ELMO1: variants seen among roughly 807,000 people sequenced by gnomAD.
ELMO1 encodes the protein engulfment and cell motility protein 1.
A neutral mutation model predicts 98.9 loss-of-function variants in ELMO1; 26 were observed. That is an observed-to-expected ratio of 0.26 (90% CI 0.19 to 0.36). ELMO1 has a LOEUF of 0.36. Among genes scored for constraint, ELMO1 ranks in the 10% least tolerant of loss-of-function variants. The probability of loss-of-function intolerance (pLI) is 1.00; values close to 1 mark genes in which losing one functional copy is unlikely to be tolerated. For missense variants in ELMO1, 627 were observed against 935.2 expected, an observed-to-expected ratio of 0.67 and a Z score of 4.30; for synonymous variants, 346 against 346.0, an observed-to-expected ratio of 1.00 and a Z score of 0.00.
At chr7:37,386,399 G>A (rs1367178106) in intron 1 of ELMO1, among the ~76,000 whole-genome samples, 2 of 151,852 alleles carry the variant, frequency 1.3e-5, no homozygotes, top group Non-Finnish European at 2.9e-5. Context: ...CAGGTCTCCA[G>A]TCTGTCTCCC....
chr7:37,109,395 A>G (rs1785114927), intron 14 of ELMO1, among the ~76,000 whole-genome samples: 1 of 152,192 alleles, frequency 6.6e-6, no homozygotes, highest in Admixed American at 6.5e-5. Flanking sequence ...GCTTCCTGTA[A>G]ATGCTGTGAG....
At chr7:36,913,454 A>G (rs1193033987) in intron 16 of ELMO1, among the ~76,000 whole-genome samples, 2 of 152,242 alleles carry the variant, frequency 1.3e-5, no homozygotes, top group Non-Finnish European at 2.9e-5. Context: ...CTGTGATAGC[A>G]AAAGTGAGTT....
intron 13 of ELMO1, among the ~76,000 whole-genome samples, chr7:37,205,933 G>C (rs1019436928): frequency 2.6e-5 from 4 of 151,946 alleles, no homozygotes; most frequent in Admixed American, 2.6e-4. Flanking sequence ...ACTCCAAAAG[G>C]CAACTCTACT....
At chr7:37,415,529 T>G (rs1048751956) in intron 1 of ELMO1, among the ~76,000 whole-genome samples, 1 of 152,242 alleles carries the variant, frequency 6.6e-6, no homozygotes, top group African/African-American at 2.4e-5. Flanking sequence ...ATGTGAGTTA[T>G]GATAGACAGT....
At chr7:37,347,696 T>C (rs1482782203) in intron 1 of ELMO1, among the ~76,000 whole-genome samples, 1 of 152,140 alleles carries the variant, frequency 6.6e-6, no homozygotes, top group African/African-American at 2.4e-5. Flanking sequence ...AACCCTTTTT[T>C]TCCTTTATAA....
At chr7:37,431,463 T>C (rs983498034) in intron 1 of ELMO1, among the ~76,000 whole-genome samples, 1 of 152,242 alleles carries the variant, frequency 6.6e-6, no homozygotes, top group Admixed American at 6.5e-5. Flanking sequence ...TTCTACTTGA[T>C]GTGTATAAGT....
chr7:37,088,657 A>T (rs1201016811), intron 15 of ELMO1, among the ~76,000 whole-genome samples: 1 of 152,226 alleles, frequency 6.6e-6, no homozygotes, highest in Non-Finnish European at 1.5e-5. Flanking sequence ...CGTATCAACT[A>T]TGCCTATCAC....
intron 13 of ELMO1, among the ~76,000 whole-genome samples, chr7:37,166,564 C>T (rs1182176511): frequency 6.6e-6 from 1 of 152,076 alleles, no homozygotes; most frequent in Non-Finnish European, 1.5e-5. Flanking sequence ...TTTCAAAGAA[C>T]ATCTTTATTT....
chr7:37,161,722 C>G (rs541351628), intron 13 of ELMO1, among the ~76,000 whole-genome samples: 15 of 150,576 alleles, frequency 1.0e-4, no homozygotes, highest in Admixed American at 6.0e-4. Flanking sequence ...AAACTCATGA[C>G]CCTAAACCAC....
chr7:37,186,561 T>C (rs1791219963), intron 13 of ELMO1, among the ~76,000 whole-genome samples: 1 of 152,228 alleles, frequency 6.6e-6, no homozygotes. Flanking sequence ...GCAAATCATG[T>C]CTGATAAGGA....
At chr7:36,924,304 T>C (rs529571016) in intron 16 of ELMO1, among the ~76,000 whole-genome samples, 2 of 152,276 alleles carry the variant, frequency 1.3e-5, no homozygotes, top group African/African-American at 2.4e-5. Flanking sequence ...TGCAAGTCCA[T>C]GGGTGGGAGG....
At chr7:37,441,974 A>G (rs530019748) in intron 1 of ELMO1, among the ~76,000 whole-genome samples, 1 of 152,350 alleles carries the variant, frequency 6.6e-6, no homozygotes, top group East Asian at 1.9e-4. Flanking sequence ...ACTGCTGTTG[A>G]AAGTCTAGAC....
chr7:37,099,014 T>C (rs1195199318), intron 14 of ELMO1, among the ~76,000 whole-genome samples: 3 of 152,238 alleles, frequency 2.0e-5, no homozygotes, highest in African/African-American at 2.4e-5. Flanking sequence ...ACACTGTAGG[T>C]AGAATTACTG....
intron 1 of ELMO1, among the ~76,000 whole-genome samples, chr7:37,445,661 A>G (rs1562697273): frequency 1.3e-5 from 2 of 151,174 alleles, no homozygotes; most frequent in African/African-American, 2.4e-5. Context: ...TAATTTAGTA[A>G]ATGTTCAAGA....
chr7:36,956,464 A>G lies in ELMO1; in HGVS notation c.1437+56835T>C, dbSNP rs145322609. ...TGTTCTCTTCTACATCCAAGAAGTA[A>G]TTTCAGACCCAAATGCCATCTGATC... On this transcript the variant is annotated intron_variant, in intron 16 of 21. Coordinates refer to ENST00000310758, the MANE Select transcript of ELMO1 (RefSeq NM_014800.11). 4.6e-5 allele frequency among the ~76,000 whole-genome samples: 7 copies of G among 152,304 alleles called. No homozygotes were observed. The East Asian group carries it at 1.4e-3, about 29-fold the overall frequency.
chr7:37,196,640 A>T (rs1791978542), intron 13 of ELMO1, among the ~76,000 whole-genome samples: 1 of 152,174 alleles, frequency 6.6e-6, no homozygotes, highest in Non-Finnish European at 1.5e-5. Flanking sequence ...AAGATCTGCT[A>T]CTTTCATCTA....
At chr7:37,429,166 T>C (rs150388515) in intron 1 of ELMO1, 1 of 152,354 alleles carries the variant, frequency 6.6e-6, no homozygotes, top group African/African-American at 2.4e-5. Context: ...ACTTGTCTTC[T>C]TTCCAACCCA....
At chr7:37,270,539 A>C (rs2130850505) in intron 5 of ELMO1, 1 of 152,360 alleles carries the variant, frequency 6.6e-6, no homozygotes, top group East Asian at 1.9e-4. Flanking sequence ...TTTTCATCAC[A>C]TATGCAGAGT....
At chr7:36,972,427 G>A (rs1032626347) in intron 16 of ELMO1, among the ~76,000 whole-genome samples, 21 of 152,348 alleles carry the variant, frequency 1.4e-4, no homozygotes, top group Non-Finnish European at 2.8e-4. Context: ...ACGAAGTATG[G>A]CACACTGGGT....
Sources: allele counts gnomAD v4.1 joint callset (sites outside exome capture counted in the v4.1 genomes callset), GRCh38; gene constraint gnomAD v4.1.1; transcripts MANE v1.5; gene names NCBI Gene and HGNC (gene_info 2026-07-23, HGNC 2026-07-21).